The following GRID2 variants were observed in gnomAD, a reference collection of about 807,000 sequenced individuals.
GRID2 encodes glutamate receptor ionotropic, delta-2.
Under a neutral mutation model 114.8 loss-of-function variants are expected in GRID2, and 33 were observed. The observed-to-expected ratio is 0.29, with a 90% CI of 0.22 to 0.38. The LOEUF (loss-of-function observed/expected upper bound fraction) is 0.38. Ranked by LOEUF, GRID2 falls within the 10% of genes least tolerant of loss-of-function variation. The pLI is 1.00. For missense variants in GRID2, 1,184 were observed against 1,257.7 expected (o/e 0.94, Z 0.89); for synonymous variants, 505 against 449.9 (o/e 1.12, Z -1.55).
At chr4:93,409,595 A>C (rs927068661) in intron 9 of GRID2, among the ~76,000 whole-genome samples, 1 of 152,210 alleles carries the variant, frequency 6.6e-6, no homozygotes, top group Non-Finnish European at 1.5e-5. Context: ...AGAAAGCAAC[A>C]GGCACACACA....
At chr4:93,007,441 CAAAAT>C (rs1721658343) in intron 2 of GRID2, among the ~76,000 whole-genome samples, 1 of 151,922 alleles carries the variant, frequency 6.6e-6, no homozygotes, top group Admixed American at 6.6e-5. Context: ...CAGCAATAGT[CAAAAT>C]AAAGCAGCAG....
intron 2 of GRID2, among the ~76,000 whole-genome samples, chr4:92,677,433 T>G (rs1452214718): frequency 6.6e-6 from 1 of 152,182 alleles, no homozygotes; most frequent in Non-Finnish European, 1.5e-5. Flanking sequence ...TAATAACTCT[T>G]AGGTGGTAAG....
intron 13 of GRID2, among the ~76,000 whole-genome samples, chr4:93,555,341 C>A (rs1734209429): frequency 6.6e-6 from 1 of 152,168 alleles, no homozygotes; most frequent in Non-Finnish European, 1.5e-5. Context: ...TGGAGCCCAG[C>A]AAGCTGAGAT....
chr4:92,672,789 A>G lies in GRID2; in HGVS notation c.244+82503A>G, dbSNP rs186042451. ...TCAAGTCAGGGTAATTAGGATATCTATCACCTTAAATATTTATTGTTTCTT... is the reference window on the plus strand; with the variant it reads ...TCAAGTCAGGGTAATTAGGATATCTGTCACCTTAAATATTTATTGTTTCTT... On this transcript the variant is annotated intron_variant, in intron 2 of 15. Coordinates refer to ENST00000282020, the MANE Select transcript of GRID2 (RefSeq NM_001510.4). 4.0e-3 allele frequency among the ~76,000 whole-genome samples: 616 copies of G among 152,238 alleles called. 7 individuals are homozygous for G. Among genetic ancestry groups the G allele is most frequent in the African/African-American group, 0.014 (581 of 41,560 alleles).
chr4:92,884,175 G>A (rs1284961335), intron 2 of GRID2, among the ~76,000 whole-genome samples: 3 of 152,116 alleles, frequency 2.0e-5, no homozygotes, highest in African/African-American at 7.2e-5. Context: ...CATGGAGATG[G>A]CTTCTTTCCT....
intron 13 of GRID2, among the ~76,000 whole-genome samples, chr4:93,521,568 A>C (rs367997988): frequency 1.3e-5 from 2 of 152,160 alleles, no homozygotes; most frequent in Non-Finnish European, 2.9e-5. Flanking sequence ...TTTGGAAACC[A>C]GCAGTCACTG....
intron 12 of GRID2, among the ~76,000 whole-genome samples, chr4:93,498,002 C>T (rs1346826561): frequency 6.6e-6 from 1 of 151,824 alleles, no homozygotes; most frequent in Non-Finnish European, 1.5e-5. Flanking sequence ...TTTATCAGCA[C>T]TTTATAATTT....
rs1170270025 is a variant in GRID2, at chr4:93,769,373, A to G, written c.2524A>G (p.Ile842Val). 7 of 1,613,998 alleles carry G rather than the reference A, an allele frequency of 4.3e-6. No individual in the cohort carries two copies. Among genetic ancestry groups the G allele is most frequent in the Non-Finnish European group, 5.9e-6 (7 of 1,179,930 alleles). Residue 842 changes from isoleucine to valine, a missense_variant, in exon 15 of 16, where the codon ATT (isoleucine) becomes GTT (valine). Around this residue, in one of 3 missense-constraint regions of GRID2, gnomAD observed 717 missense variants for 796.9 expected, o/e 0.90. Coordinates refer to ENST00000282020, the MANE Select transcript of GRID2 (RefSeq NM_001510.4). Reference protein sequence around the residue: ...AGVFCILAAGIVLSCFIAMLE... With the variant: ...AGVFCILAAGVVLSCFIAMLE... ...GGTCTTTTGTATCCTGGCTGCTGGAATTGTCCTCTCCTGCTTCATAGCCAT... is the reference window on the plus strand; with the variant it reads ...GGTCTTTTGTATCCTGGCTGCTGGAGTTGTCCTCTCCTGCTTCATAGCCAT...
At chr4:93,767,637 G>A in intron 14 of GRID2, among the ~76,000 whole-genome samples, 1 of 152,068 alleles carries the variant, frequency 6.6e-6, no homozygotes, top group East Asian at 1.9e-4. Context: ...GAGCCTTAAG[G>A]GCTGGTCTCA....
At chr4:92,885,112 A>C in intron 2 of GRID2, 1 of 319,748 alleles carries the variant, frequency 3.1e-6, no homozygotes, top group Non-Finnish European at 6.1e-6. Context: ...TTAAAATTTA[A>C]GTAAGTTAAA....
At chr4:92,471,582 TAATA>T in intron 1 of GRID2, among the ~76,000 whole-genome samples, 1 of 152,232 alleles carries the variant, frequency 6.6e-6, no homozygotes, top group Non-Finnish European at 1.5e-5. Context: ...CCAACTGAAA[TAATA>T]AAAATAATTT....
chr4:93,415,903 A>G (rs915418190), intron 9 of GRID2, among the ~76,000 whole-genome samples: 1 of 152,040 alleles, frequency 6.6e-6, no homozygotes, highest in Non-Finnish European at 1.5e-5. Flanking sequence ...TTAGGATGAC[A>G]GTATTTTTAT....
intron 2 of GRID2, among the ~76,000 whole-genome samples, chr4:92,621,950 G>A (rs1730297147): frequency 6.6e-6 from 1 of 151,758 alleles, no homozygotes; most frequent in South Asian, 2.1e-4. Flanking sequence ...GGTTTAGAAA[G>A]GAGCTAAAGA....
At chr4:93,661,853 TA>T (rs1224985889) in intron 14 of GRID2, among the ~76,000 whole-genome samples, 1 of 152,190 alleles carries the variant, frequency 6.6e-6, no homozygotes, top group African/African-American at 2.4e-5. Context: ...TCTTATTATA[TA>T]AACCGTAAGT....
At chr4:92,411,670 T>TA (rs1731330392) in intron 1 of GRID2, among the ~76,000 whole-genome samples, 1 of 139,244 alleles carries the variant, frequency 7.2e-6, no homozygotes, top group Non-Finnish European at 1.5e-5. Context: ...TATATATATA[T>TA]ATATATATGA....
chr4:93,233,697 C>T (rs1746423750), intron 7 of GRID2, among the ~76,000 whole-genome samples: 1 of 152,034 alleles, frequency 6.6e-6, no homozygotes, highest in Non-Finnish European at 1.5e-5. Context: ...CCCATGCTTG[C>T]CAAGTAGAGA....
chr4:92,986,566 A>G (rs1052390663), intron 2 of GRID2, among the ~76,000 whole-genome samples: 3 of 152,138 alleles, frequency 2.0e-5, no homozygotes, highest in African/African-American at 7.2e-5. Flanking sequence ...ACCACTGGCG[A>G]ATAGTGTAGC....
intron 1 of GRID2, among the ~76,000 whole-genome samples, chr4:92,354,001 G>A (rs957672799): frequency 2.6e-5 from 4 of 151,936 alleles, no homozygotes; most frequent in Admixed American, 6.6e-5. Flanking sequence ...AAGAAATGCC[G>A]AAACTTTTCC....
chr4:92,967,416 T>G (rs553555414), intron 2 of GRID2, among the ~76,000 whole-genome samples: 36 of 152,156 alleles, frequency 2.4e-4, no homozygotes, highest in African/African-American at 8.4e-4. Context: ...GTTTTTGTAT[T>G]TAGTCTATAG....
Sources: gnomAD v4.1 joint callset for allele counts (sites outside exome capture counted in the v4.1 genomes callset) on GRCh38, gnomAD v4.1.1 for gene constraint, gnomAD v4.1.1 regional missense constraint, MANE v1.5 for transcripts, NCBI Gene and HGNC (gene_info 2026-07-23, HGNC 2026-07-21) for gene names.